FAT3: variants seen among roughly 807,000 people sequenced by gnomAD.
FAT3 encodes protocadherin Fat 3.
A neutral mutation model predicts 310.2 loss-of-function variants in FAT3; 95 were observed. The ratio of observed to expected loss-of-function variants is 0.31; its 90% CI spans 0.26 to 0.36. The LOEUF is 0.36. Among genes scored for constraint, FAT3 ranks in the 10% least tolerant of loss-of-function variants. FAT3 has a pLI of 1.00. For synonymous variants in FAT3, 2,314 were observed against 2,192.9 expected, an observed-to-expected ratio of 1.06 and a Z score of -1.54; for missense variants, 5,408 against 5,715.6, an observed-to-expected ratio of 0.95 and a Z score of 1.74.
chr11:92,272,844 T>A (rs1946164016), intron 1 of FAT3, among the ~76,000 whole-genome samples: 1 of 152,094 alleles, frequency 6.6e-6, no homozygotes, highest in Non-Finnish European at 1.5e-5. Flanking sequence ...AATTAAGAAC[T>A]GTTGAGCAAA....
chr11:92,507,707 TAC>T (rs1953159148), intron 2 of FAT3, among the ~76,000 whole-genome samples: 1 of 148,008 alleles, frequency 6.8e-6, no homozygotes, highest in South Asian at 2.1e-4. Context: ...CATGTATATA[TAC>T]AACATATACA....
At chr11:92,394,196 CA>C (rs142768532) in intron 2 of FAT3, among the ~76,000 whole-genome samples, 1 of 152,278 alleles carries the variant, frequency 6.6e-6, no homozygotes, top group African/African-American at 2.4e-5. Context: ...TTAGGTCTGG[CA>C]GCGGCTCACA....
At chr11:92,358,514 GT>G (rs35563517) in intron 2 of FAT3, among the ~76,000 whole-genome samples, 4,790 of 151,902 alleles carry the variant, frequency 0.032, 225 homozygotes, top group African/African-American at 0.095. Context: ...ACACAACTGG[GT>G]TTTTTCTCTG....
At chr11:92,535,345 A>G (rs1954218325) in intron 3 of FAT3, among the ~76,000 whole-genome samples, 1 of 152,210 alleles carries the variant, frequency 6.6e-6, no homozygotes, top group South Asian at 2.1e-4. Flanking sequence ...GATAGGGACC[A>G]TGAATCTGCC....
intron 21 of FAT3, among the ~76,000 whole-genome samples, chr11:92,862,679 C>G: frequency 6.6e-6 from 1 of 152,124 alleles, no homozygotes; most frequent in East Asian, 1.9e-4. Flanking sequence ...AAGCTCCCTA[C>G]AAGATTTGAG....
chr11:92,403,773 G>A (rs12294755), intron 2 of FAT3, among the ~76,000 whole-genome samples: 15,494 of 152,080 alleles, frequency 0.1, 987 homozygotes, highest in African/African-American at 0.17. Flanking sequence ...GCAGTGGTTC[G>A]CACCTGTAAT....
At chr11:92,471,801 A>G (rs1951911191) in intron 2 of FAT3, among the ~76,000 whole-genome samples, 1 of 151,866 alleles carries the variant, frequency 6.6e-6, no homozygotes, top group South Asian at 2.1e-4. Context: ...ATGCAGTTGA[A>G]TATTATACAT....
Position 92,302,264 on chromosome 11 carries a change from C to T in FAT3, c.-17-49832C>T, listed in dbSNP as rs190081470. Reference sequence around the variant, plus strand: ...GCTAGGTAATAATATTCAAACCTCCCGGTGGTTTTACATTACAGAAACCGA... The same window carrying T: ...GCTAGGTAATAATATTCAAACCTCCTGGTGGTTTTACATTACAGAAACCGA... On this transcript the variant is annotated intron_variant, in intron 1 of 27. Transcript: ENST00000525166. Among the ~76,000 whole-genome samples, 581 of 151,760 alleles carry T rather than the reference C, an allele frequency of 3.8e-3. 7 individuals are homozygous for T. The highest frequency in any genetic ancestry group is 0.013 in the African/African-American group (535 of 41,416).
At chr11:92,328,048 G>T (rs1025862720) in intron 1 of FAT3, among the ~76,000 whole-genome samples, 34 of 152,270 alleles carry the variant, frequency 2.2e-4, no homozygotes, top group Non-Finnish European at 7.4e-5. Flanking sequence ...TCTGGGAGTT[G>T]TTTGGGCCCC....
chr11:92,632,400 A>G (rs1941588674), intron 3 of FAT3, among the ~76,000 whole-genome samples: 1 of 152,218 alleles, frequency 6.6e-6, no homozygotes, highest in Non-Finnish European at 1.5e-5. Flanking sequence ...CACTAATGAG[A>G]GGCAAAATGG....
intron 1 of FAT3, among the ~76,000 whole-genome samples, chr11:92,308,936 T>C (rs1171138814): frequency 2.0e-5 from 3 of 152,016 alleles, no homozygotes; most frequent in African/African-American, 7.2e-5. Context: ...ATATTGATCA[T>C]ACCAGGGAAC....
chr11:92,337,680 C>T (rs1948125569), intron 1 of FAT3, among the ~76,000 whole-genome samples: 1 of 152,222 alleles, frequency 6.6e-6, no homozygotes, highest in Non-Finnish European at 1.5e-5. Flanking sequence ...GATCCATATG[C>T]CTCGGCCTCC....
At chr11:92,564,232 C>T (rs1442844665) in intron 3 of FAT3, among the ~76,000 whole-genome samples, 1 of 151,836 alleles carries the variant, frequency 6.6e-6, no homozygotes, top group Non-Finnish European at 1.5e-5. Flanking sequence ...GCAGGGGTTG[C>T]AATCCTAGTC....
At chr11:92,367,855 C>T (rs1024169842) in intron 2 of FAT3, among the ~76,000 whole-genome samples, 5 of 152,166 alleles carry the variant, frequency 3.3e-5, no homozygotes, top group African/African-American at 1.2e-4. Flanking sequence ...GTTGATAATG[C>T]TATCTAAGCA....
At chr11:92,404,284 TG>T (rs1238475963) in intron 2 of FAT3, among the ~76,000 whole-genome samples, 2 of 152,080 alleles carry the variant, frequency 1.3e-5, no homozygotes, top group Non-Finnish European at 2.9e-5. Context: ...GATGTGTTGA[TG>T]GCTAAAACAC....
intron 2 of FAT3, among the ~76,000 whole-genome samples, chr11:92,463,450 A>T (rs188455891): frequency 1.1e-4 from 16 of 152,298 alleles, no homozygotes; most frequent in Non-Finnish European, 2.9e-5. Context: ...TCCAAAGTTC[A>T]TATTTCTTAC....
chr11:92,443,537 A>G (rs1429031875), intron 2 of FAT3, among the ~76,000 whole-genome samples: 3 of 152,240 alleles, frequency 2.0e-5, no homozygotes, highest in African/African-American at 7.2e-5. Context: ...ATGAATAACC[A>G]TGTGGTCTCT....
intron 4 of FAT3, chr11:92,748,954 G>A (rs1337952242): frequency 6.6e-6 from 1 of 152,150 alleles, no homozygotes; most frequent in Non-Finnish European, 1.5e-5. Context: ...GGAAGCACTT[G>A]TCTTCCCAGG....
intron 3 of FAT3, among the ~76,000 whole-genome samples, chr11:92,668,802 A>T (rs1943037961): frequency 6.6e-6 from 1 of 152,208 alleles, no homozygotes; most frequent in Non-Finnish European, 1.5e-5. Flanking sequence ...ATTGGATCAG[A>T]TAACTTCTGA....
Sources: gnomAD v4.1 joint callset for allele counts (sites outside exome capture counted in the v4.1 genomes callset) on GRCh38, gnomAD v4.1.1 for gene constraint, MANE v1.5 for transcripts, NCBI Gene and HGNC (gene_info 2026-07-23, HGNC 2026-07-21) for gene names.